Variants in CELF2 observed in about 807,000 individuals in gnomAD.
CELF2 encodes the protein CUGBP Elav-like family member 2.
In CELF2, 8 loss-of-function variants were observed where a neutral mutation model predicts 62.6. The ratio of observed to expected loss-of-function variants is 0.13; its 90% CI spans 0.07 to 0.23. The LOEUF (loss-of-function observed/expected upper bound fraction) is 0.23. Ranked by LOEUF, CELF2 falls within the 10% of genes least tolerant of loss-of-function variation. The pLI is 1.00. For missense variants in CELF2, 333 were observed against 671.0 expected, an observed-to-expected ratio of 0.50 and a Z score of 5.56; for synonymous variants, 258 against 250.0, an observed-to-expected ratio of 1.03 and a Z score of -0.30.
chr10:10,983,431 A>G lies in CELF2; in HGVS notation c.89+63432A>G, dbSNP rs2052380513. 6.6e-6 allele frequency among the ~76,000 whole-genome samples: 1 copy of G among 152,216 alleles called. No homozygotes were observed. The highest frequency in any genetic ancestry group is 1.5e-5 in the Non-Finnish European group (1 of 68,046). Reference sequence around the variant, plus strand: ...AAAATAAAATTATCTTTGAGAAGCAAAGAGTAAACACATATATAACATGGT... The same window carrying G: ...AAAATAAAATTATCTTTGAGAAGCAGAGAGTAAACACATATATAACATGGT... On this transcript the variant is annotated intron_variant, in intron 2 of 13. Transcript: ENST00000636488. The surrounding 1 kb of genome is among the most constrained non-coding windows in gnomAD (Gnocchi z 5.2).
the CELF2 span, among the ~76,000 whole-genome samples, chr10:10,555,853 G>A: frequency 2.0e-5 from 3 of 152,064 alleles, no homozygotes; most frequent in Admixed American, 6.6e-5. Context: ...GAGCCTCTTC[G>A]GGCTCTTCAC....
the CELF2 span, among the ~76,000 whole-genome samples, chr10:10,484,626 T>G: frequency 2.0e-5 from 3 of 151,830 alleles, no homozygotes; most frequent in Non-Finnish European, 4.4e-5. Context: ...CAGAGAGCTT[T>G]TCAACTAAAG....
rs540438315 is a variant in CELF2, at chr10:10,866,894, TG to T, written c.54-53067del. ...GAGATCACACCGTTGCACTCCAGCC[TG>T]GGTGACAAGAGTGAAACTCCTTCTC... On this transcript the variant is annotated intron_variant, in intron 1 of 13. Transcript: ENST00000636488. 4.3e-3 allele frequency among the ~76,000 whole-genome samples: 569 copies of T among 132,044 alleles called. 4 individuals carry two copies. The highest frequency in any genetic ancestry group is 0.018 in the South Asian group (77 of 4,166). 86.6% of individuals were successfully genotyped at this position (132,044 alleles called of 152,430 possible).
At chr10:11,105,833 A>G (rs1258000738) in intron 1 of CELF2, among the ~76,000 whole-genome samples, 1 of 152,184 alleles carries the variant, frequency 6.6e-6, no homozygotes, top group African/African-American at 2.4e-5. Context: ...ATTCTGCTCC[A>G]GTCTCCACTA....
the CELF2 span, among the ~76,000 whole-genome samples, chr10:10,721,138 T>A: frequency 6.6e-6 from 1 of 152,230 alleles, no homozygotes; most frequent in East Asian, 1.9e-4. Context: ...CATATCTTAT[T>A]TTAAATTCAA....
the CELF2 span, among the ~76,000 whole-genome samples, chr10:10,513,383 G>C: frequency 1.3e-5 from 2 of 152,078 alleles, no homozygotes; most frequent in African/African-American, 4.8e-5. Context: ...AGCTTACTAG[G>C]ATCAGAAGAT....
chr10:10,497,308 C>A, the CELF2 span, among the ~76,000 whole-genome samples: 2 of 151,558 alleles, frequency 1.3e-5, no homozygotes, highest in African/African-American at 4.9e-5. Context: ...GGAGAGGACG[C>A]AACAGAGGAA....
the CELF2 span, among the ~76,000 whole-genome samples, chr10:10,574,872 G>GCTTTTTTTTT: frequency 2.0e-4 from 21 of 106,014 alleles, 8 homozygotes; most frequent in Non-Finnish European, 2.4e-4. Context: ...ACCATGCCTG[G>GCTTTTTTTTT]TTTTTTTTTT....
rs755293672 is a variant in CELF2, at chr10:11,018,085, C to A, written c.-5C>A. ...CCGCCGCTGCCGCCGCGTGCGCCCG[C>A]GAACATGACTTCTGCCTTCAAGCTG... is the stretch of plus-strand genomic sequence containing the variant. On this transcript the variant is annotated 5_prime_UTR_variant, in exon 1 of 13. Coordinates refer to ENST00000633077, the MANE Select transcript of CELF2 (RefSeq NM_001326342.2). 2 of 1,469,400 alleles carry A rather than the reference C, an allele frequency of 1.4e-6. No individual in the cohort carries two copies. Among genetic ancestry groups the A allele is most frequent in the East Asian group, 3.1e-5 (1 of 32,088 alleles). 91.0% of individuals were successfully genotyped at this position (1,469,400 alleles called of 1,614,324 possible).
At chr10:10,611,283 A>G in the CELF2 span, among the ~76,000 whole-genome samples, 336 of 152,296 alleles carry the variant, frequency 2.2e-3, 2 homozygotes, top group African/African-American at 7.8e-3. Flanking sequence ...ATAAAGAGCC[A>G]TTGAGAACCA....
the CELF2 span, among the ~76,000 whole-genome samples, chr10:10,502,589 T>C: frequency 6.6e-6 from 1 of 151,994 alleles, no homozygotes; most frequent in African/African-American, 2.4e-5. Flanking sequence ...CTTATTGTAC[T>C]TTTGATATCT....
chr10:11,217,286 T>C lies in CELF2; in HGVS notation c.272-139T>C. ...GGTACTGTGTAAATGCTTGAGATGT[T>C]GTTATTGCTGTTCTCATATGCTTTA... On this transcript the variant is annotated intron_variant, in intron 2 of 12. Transcript: ENST00000633077. The surrounding 1 kb of genome is among the most constrained non-coding windows in gnomAD (Gnocchi z 5.6). 1 of 554,754 alleles carries C rather than the reference T, an allele frequency of 1.8e-6. No individual in the cohort carries two copies. Among genetic ancestry groups the C allele is most frequent in the Non-Finnish European group, 3.2e-6 (1 of 309,488 alleles). 34.4% of individuals were successfully genotyped at this position (554,754 alleles called of 1,614,324 possible).
the CELF2 span, among the ~76,000 whole-genome samples, chr10:10,676,632 C>A: frequency 9.9e-5 from 15 of 152,274 alleles, no homozygotes; most frequent in African/African-American, 3.6e-4. Flanking sequence ...CAGTGAGTTG[C>A]CAGTTACAGT....
intron 1 of CELF2, among the ~76,000 whole-genome samples, chr10:11,079,171 T>G (rs2073130804): frequency 6.6e-6 from 1 of 152,180 alleles, no homozygotes; most frequent in Non-Finnish European, 1.5e-5. Context: ...GTTCTAAAAC[T>G]TACTGAGAGT....
chr10:10,731,564 G>A, the CELF2 span, among the ~76,000 whole-genome samples: 4 of 152,194 alleles, frequency 2.6e-5, no homozygotes, highest in Non-Finnish European at 2.9e-5. Context: ...ATGGAAACTG[G>A]TATTTTTAAA....
the CELF2 span, among the ~76,000 whole-genome samples, chr10:10,736,874 G>A: frequency 2.0e-5 from 3 of 152,046 alleles, no homozygotes; most frequent in African/African-American, 4.8e-5. Flanking sequence ...CCTGACATAC[G>A]ATTTCCTAAT....
rs149750474 is a variant in CELF2 at position 11,223,723 on chromosome 10, A to G, written c.354+6216A>G. Reference sequence around the variant, plus strand: ...AGGGGTAGGGGCAGAGTGTAGACCCAGCCCCAAGTCGGGCTCAGCCAGGTG... The same window carrying G: ...AGGGGTAGGGGCAGAGTGTAGACCCGGCCCCAAGTCGGGCTCAGCCAGGTG... On this transcript the variant is annotated intron_variant, in intron 3 of 12. Transcript: ENST00000633077. The surrounding 1 kb of genome is among the most constrained non-coding windows in gnomAD (Gnocchi z 5.1). Among the ~76,000 whole-genome samples the G allele has an allele frequency of 1.9e-3, 287 of 151,810 alleles. 2 individuals are homozygous for G. In the East Asian group the frequency reaches 0.046, roughly 25 times the overall value.
chr10:10,926,689 C>T (rs1019373768), intron 2 of CELF2, among the ~76,000 whole-genome samples: 1 of 152,128 alleles, frequency 6.6e-6, no homozygotes, highest in African/African-American at 2.4e-5. Flanking sequence ...TGCCTGATCC[C>T]TTAGGGAGGG....
At chr10:10,981,708 C>T (rs1336886446) in intron 2 of CELF2, among the ~76,000 whole-genome samples, 1 of 152,170 alleles carries the variant, frequency 6.6e-6, no homozygotes, top group Non-Finnish European at 1.5e-5. Flanking sequence ...AGAAATAATA[C>T]AAGTAAGTAA....
Sources: gnomAD v4.1 joint callset for allele counts (sites outside exome capture counted in the v4.1 genomes callset) on GRCh38, gnomAD v4.1.1 for gene constraint, Gnocchi (gnomAD v3.1) non-coding constraint, MANE v1.5 for transcripts, NCBI Gene and HGNC (gene_info 2026-07-23, HGNC 2026-07-21) for gene names.